Variants in EDAR observed in about 807,000 individuals in gnomAD.
The protein encoded by EDAR is tumor necrosis factor receptor superfamily member EDAR.
A neutral mutation model predicts 51.3 loss-of-function variants in EDAR; 38 were observed. The observed-to-expected ratio is 0.74, with a 90% CI of 0.57 to 0.97. The LOEUF is 0.97. Ranked by LOEUF, EDAR falls within the 50% of genes least tolerant of loss-of-function variation. The pLI, the probability that EDAR is intolerant of heterozygous loss-of-function variation, is 0.00. For synonymous variants in EDAR, 227 were observed against 242.1 expected, an observed-to-expected ratio of 0.94 and a Z score of 0.58; for missense variants, 528 against 595.0, an observed-to-expected ratio of 0.89 and a Z score of 1.17.
chr2:108,916,085 G>T (rs1697023375), intron 5 of EDAR, among the ~76,000 whole-genome samples: 1 of 152,084 alleles, frequency 6.6e-6, no homozygotes. Flanking sequence ...TGTTTGCTGG[G>T]GGGTAGCCTC....
intron 4 of EDAR, among the ~76,000 whole-genome samples, chr2:108,924,227 C>T (rs549282372): frequency 8.5e-5 from 13 of 152,350 alleles, no homozygotes; most frequent in South Asian, 2.1e-4. Context: ...GTGCCAGCCC[C>T]GTGGCTATAT....
At chr2:108,914,224 C>T (rs559316208) in intron 5 of EDAR, among the ~76,000 whole-genome samples, 2 of 151,882 alleles carry the variant, frequency 1.3e-5, no homozygotes, top group African/African-American at 2.4e-5. Context: ...CACACCACTG[C>T]ACTCTAGCCT....
rs150055772 is a variant in EDAR at position 108,894,942 on chromosome 2, G to A, written c.*1965C>T. On this transcript the variant is annotated 3_prime_UTR_variant, in exon 12 of 12. Transcript: ENST00000258443. ...ACTCTTTCGCTGAAAACATTCTGAG[G>A]AGGGTGCAAGCTGTTATCCTGGAAT... is the stretch of plus-strand genomic sequence containing the variant. The A allele has an allele frequency of 3.9e-4, 60 of 152,342 alleles. No homozygotes were observed. The highest frequency in any genetic ancestry group is 1.4e-3 in the African/African-American group (58 of 41,560). 9.4% of individuals were successfully genotyped at this position (152,342 alleles called of 1,614,324 possible). A position where few individuals can be genotyped will look rare whatever the true frequency, so the allele number is the denominator to read the frequency against.
chr2:108,934,104 G>A (rs1342801426), intron 1 of EDAR, among the ~76,000 whole-genome samples: 3 of 152,326 alleles, frequency 2.0e-5, no homozygotes, highest in South Asian at 2.1e-4. Flanking sequence ...AGCACTTATC[G>A]AAAGGCGCAA....
chr2:108,986,782 TA>T (rs964968676), intron 1 of EDAR, among the ~76,000 whole-genome samples: 3 of 152,096 alleles, frequency 2.0e-5, no homozygotes, highest in African/African-American at 7.2e-5. Context: ...CTTTGGGACT[TA>T]AAAAAAATTC....
intron 1 of EDAR, among the ~76,000 whole-genome samples, chr2:108,938,934 C>A (rs1486270410): frequency 6.6e-6 from 1 of 151,958 alleles, no homozygotes; most frequent in Non-Finnish European, 1.5e-5. Flanking sequence ...CACCCGCCAC[C>A]ACATCCAACT....
rs539359696 is a variant in EDAR, at chr2:108,950,458, G to A, written c.-18-19426C>T. The stretch of plus-strand genomic sequence containing the variant: ...TTTATGTAGAGCATGTTGTATTTCT[G>A]TTTATAAGGGCCGATGGTGTTTAAC... On this transcript the variant is annotated intron_variant, in intron 1 of 11. Coordinates refer to ENST00000258443, the MANE Select transcript of EDAR (RefSeq NM_022336.4). Among the ~76,000 whole-genome samples the A allele has an allele frequency of 3.3e-5, 5 of 152,136 alleles. No individual in the cohort carries two copies. In the East Asian group the frequency reaches 9.7e-4, roughly 29 times the overall value.
intron 1 of EDAR, among the ~76,000 whole-genome samples, chr2:108,957,697 C>T (rs1299833620): frequency 6.6e-6 from 1 of 152,244 alleles, no homozygotes; most frequent in Non-Finnish European, 1.5e-5. Context: ...CATCCTTCAC[C>T]GGGCCTACCA....
chr2:108,980,741 G>A (rs1365711531), intron 1 of EDAR, among the ~76,000 whole-genome samples: 1 of 152,068 alleles, frequency 6.6e-6, no homozygotes, highest in East Asian at 1.9e-4. Context: ...TTGGGCAGAG[G>A]GAACAAATGC....
intron 1 of EDAR, among the ~76,000 whole-genome samples, chr2:108,985,490 C>G (rs1011309429): frequency 2.0e-5 from 3 of 152,204 alleles, no homozygotes; most frequent in Admixed American, 6.5e-5. Context: ...CACCTGTTTT[C>G]CATAGTCCTC....
intron 1 of EDAR, among the ~76,000 whole-genome samples, chr2:108,984,545 C>T (rs1698465791): frequency 6.6e-6 from 1 of 152,154 alleles, no homozygotes; most frequent in African/African-American, 2.4e-5. Context: ...ATCTCCAGCT[C>T]ACCCCACCCC....
intron 1 of EDAR, among the ~76,000 whole-genome samples, chr2:108,960,741 T>G (rs969401010): frequency 4.6e-5 from 7 of 152,262 alleles, no homozygotes; most frequent in African/African-American, 1.7e-4. Flanking sequence ...TTGATATATT[T>G]CCTTTTACTA....
rs541739469 is a variant in EDAR, at chr2:108,895,898, A to G, written c.*1009T>C. 2.0e-5 allele frequency: 3 copies of G among 152,354 alleles called. No individual in the cohort carries two copies. The highest frequency in any genetic ancestry group is 4.4e-5 in the Non-Finnish European group (3 of 68,036). 9.4% of individuals were successfully genotyped at this position (152,354 alleles called of 1,614,324 possible). On this transcript the variant is annotated 3_prime_UTR_variant, in exon 12 of 12. Coordinates refer to ENST00000258443, the MANE Select transcript of EDAR (RefSeq NM_022336.4). The stretch of plus-strand genomic sequence containing the variant: ...CAAGTCTTAGATGCTCTTGAAATCT[A>G]GAATTATGCGTGGCTGAACTCTTAG...
In EDAR at chr2:108,923,462, G is replaced by C. The variant is rs376168791; in HGVS notation, c.357-9C>G. ...TCTCCAGCATGTAGTAGCTACGGGG[G>C]AGAGACAAGACAAAACAGAGACAGG... On this transcript the variant is annotated splice_polypyrimidine_tract_variant and intron_variant, in intron 4 of 11. Coordinates refer to ENST00000258443, the MANE Select transcript of EDAR (RefSeq NM_022336.4). The C allele has an allele frequency of 6.2e-7, 1 of 1,613,754 alleles. No homozygotes were observed. The highest frequency in any genetic ancestry group is 8.5e-7 in the Non-Finnish European group (1 of 1,179,658).
At chr2:108,925,192 T>TCCTGGGCTGGGAGGCCCTCC (rs1697229378) in intron 4 of EDAR, among the ~76,000 whole-genome samples, 1 of 152,388 alleles carries the variant, frequency 6.6e-6, no homozygotes, top group African/African-American at 2.4e-5. Flanking sequence ...TTCACGTCTC[T>TCCTGGGCTGGGAGGCCCTCC]ATTCCTTGGA....
chr2:108,967,404 G>A (rs1045047527), intron 1 of EDAR, among the ~76,000 whole-genome samples: 1 of 152,208 alleles, frequency 6.6e-6, no homozygotes, highest in South Asian at 2.1e-4. Context: ...AATGGTTTGA[G>A]GGCTTGTGGG....
chr2:108,955,921 C>T (rs1233464622), intron 1 of EDAR, among the ~76,000 whole-genome samples: 5 of 151,480 alleles, frequency 3.3e-5, no homozygotes, highest in Admixed American at 6.6e-5. Flanking sequence ...CCCAGCTACT[C>T]GGGAGGCTGA....
At position 108,901,908 on chromosome 2, in the gene EDAR, A is replaced by C. The variant is rs534767993; in HGVS notation, c.1024+4400T>G. ...TGCTTGAGGTCAGGAGTTCAAGACCAGTCTGGCCAAGATGGTGAAACCTCA... is the reference window on the plus strand; with the variant it reads ...TGCTTGAGGTCAGGAGTTCAAGACCCGTCTGGCCAAGATGGTGAAACCTCA... On this transcript the variant is annotated intron_variant, in intron 11 of 11. Transcript: ENST00000258443. Among the ~76,000 whole-genome samples, 9 of 152,256 alleles carry C rather than the reference A, an allele frequency of 5.9e-5. No homozygotes were observed. In the South Asian group the frequency reaches 1.9e-3, roughly 32 times the overall value.
chr2:108,979,648 C>G lies in EDAR; in HGVS notation c.-19+9312G>C, dbSNP rs1029377610. 2.0e-5 allele frequency among the ~76,000 whole-genome samples: 3 copies of G among 152,118 alleles called. No individual in the cohort carries two copies. The East Asian group carries it at 5.8e-4, about 29-fold the overall frequency. On this transcript the variant is annotated intron_variant, in intron 1 of 11. Transcript: ENST00000258443. ...GGAGAAGAGAAGCCCCTCCTGCCTC[C>G]CTACCCAGGGTCAGATTAATCATGA...
Sources: allele counts gnomAD v4.1 joint callset (sites outside exome capture counted in the v4.1 genomes callset), GRCh38; gene constraint gnomAD v4.1.1; transcripts MANE v1.5; gene names NCBI Gene and HGNC (gene_info 2026-07-23, HGNC 2026-07-21).